The following CELSR3 variants were observed in gnomAD, a reference collection of about 807,000 sequenced individuals.
The protein encoded by CELSR3 is EGF-like protein 1.
Under a neutral mutation model 270.0 loss-of-function variants are expected in CELSR3, and 73 were observed. The observed-to-expected ratio is 0.27, with a 90% CI of 0.22 to 0.33. The LOEUF is 0.33. CELSR3 is among the 10% of genes least tolerant of loss of function. The pLI is 1.00. For missense variants in CELSR3, 3,614 were observed against 4,533.8 expected, an observed-to-expected ratio of 0.80 and a Z score of 5.83; for synonymous variants, 1,780 against 1,905.4, an observed-to-expected ratio of 0.93 and a Z score of 1.71.
Position 48,654,130 on chromosome 3 carries a change from G to T in CELSR3, c.5153-127C>A. On this transcript the variant is annotated intron_variant, in intron 7 of 34. Transcript: ENST00000164024. The surrounding 1 kb of genome is among the most constrained non-coding windows in gnomAD (Gnocchi z 5.4). ...TCAGCCCCATTTCCCATTTTCTTTC[G>T]ATGAGTGGGGTTGGTAAGAGTCAGG... 1 of 1,498,198 alleles carries T rather than the reference G, an allele frequency of 6.7e-7. No homozygotes were observed. The highest frequency in any genetic ancestry group is 9.0e-7 in the Non-Finnish European group (1 of 1,109,054). 92.8% of individuals were successfully genotyped at this position (1,498,198 alleles called of 1,614,324 possible). A position where few individuals can be genotyped will look rare whatever the true frequency, so the allele number is the denominator to read the frequency against.
chr3:48,642,159 T>C lies in CELSR3; in HGVS notation c.8666-150A>G. ...GAAGTGGAGGTAGCAGCAGAAGGGCTGGGACTTATCAGAGGGAAGGACGAA... is the reference window on the plus strand; with the variant it reads ...GAAGTGGAGGTAGCAGCAGAAGGGCCGGGACTTATCAGAGGGAAGGACGAA... On this transcript the variant is annotated intron_variant, in intron 31 of 34. Transcript: ENST00000164024. The surrounding 1 kb of genome is among the most constrained non-coding windows in gnomAD (Gnocchi z 6.1). The C allele has an allele frequency of 1.1e-6, 1 of 891,344 alleles. No homozygotes were observed. Among genetic ancestry groups the C allele is most frequent in the Non-Finnish European group, 1.7e-6 (1 of 600,276 alleles). The allele number at this position is 891,344 out of a possible 1,614,324, so 55.2% of individuals were successfully genotyped here.
rs1553626767 is a variant in CELSR3, at chr3:48,657,049, C to G, written c.4048G>C (p.Glu1350Gln). The change falls in exon 2 of 35, where the codon GAG (glutamate) becomes CAG (glutamine). Residue 1350 changes from glutamate (E) to glutamine (Q), a missense_variant. Physicochemically the swap from Glu to Gln is conservative, Grantham distance 29 (BLOSUM62 2). Around this residue, in one of 7 missense-constraint regions of CELSR3, gnomAD observed 1,331 missense variants for 1,933.7 expected, o/e 0.69. Transcript: ENST00000164024. The surrounding 1 kb of genome is among the most constrained non-coding windows in gnomAD (Gnocchi z 5.4). ...ACGTACAACTGCTCCTGCAGCTCCT[C>G]GGAGCTGAACCAGGGCCCTGCAGCG... ...AGAAGPWFSSEELQEQLYVRR... is the reference protein window; with the variant it reads ...AGAAGPWFSSQELQEQLYVRR... 1 of 1,613,698 alleles carries G rather than the reference C, an allele frequency of 6.2e-7. No individual in the cohort carries two copies. The highest frequency in any genetic ancestry group is 8.5e-7 in the Non-Finnish European group (1 of 1,179,898).
In CELSR3 at chr3:48,659,520, C is replaced by T. The variant is rs746069487; in HGVS notation, c.3115G>A (p.Ala1039Thr). Reference protein sequence around the residue: ...AVSVYELTAYAVDRGVPPLRT... With the variant: ...AVSVYELTAYTVDRGVPPLRT... Reference sequence around the variant, plus strand: ...AGTGGGGGCACACCTCTGTCCACTGCGTAGGCAGTCAACTCATACACTGAT... The same window carrying T: ...AGTGGGGGCACACCTCTGTCCACTGTGTAGGCAGTCAACTCATACACTGAT... Residue 1039 changes from alanine (A) to threonine (T), a missense_variant, in exon 1 of 35, where the codon GCA becomes ACA. Physicochemically the swap from Ala to Thr is moderately conservative, Grantham distance 58. This residue lies in a region of CELSR3 where 1,331 missense variants were observed against 1,933.7 expected (regional missense o/e 0.69). Transcript: ENST00000164024. This position sits in a 1 kb window ranked among gnomAD's most constrained non-coding sequence, Gnocchi z 8.1. 10 of 1,614,074 alleles carry T rather than the reference C, an allele frequency of 6.2e-6. No homozygotes were observed. The highest frequency in any genetic ancestry group is 1.3e-5 in the African/African-American group (1 of 74,918).
At position 48,650,433 on chromosome 3, in the gene CELSR3, A is replaced by AGGGCC; in HGVS notation, c.6472+46_6472+47insGGCCC. On this transcript the variant is annotated intron_variant, in intron 16 of 34. Coordinates refer to ENST00000164024, the MANE Select transcript of CELSR3 (RefSeq NM_001407.3). The surrounding 1 kb of genome is among the most constrained non-coding windows in gnomAD (Gnocchi z 5.1). ...GACATGGCTCTAGCAGTCAGAGTACAGGCCCACCCCCACCCTCAGTGATGT... is the reference window on the plus strand; with the variant it reads ...GACATGGCTCTAGCAGTCAGAGTACAGGGCCGGCCCACCCCCACCCTCAGTGATGT... 1.1e-6 allele frequency: 1 copy of AGGGCC among 927,818 alleles called. No homozygotes were observed. The highest frequency in any genetic ancestry group is 1.7e-6 in the Non-Finnish European group (1 of 598,394). The allele number at this position is 927,818 out of a possible 1,614,324, so 57.5% of individuals were successfully genotyped here. A position where few individuals can be genotyped will look rare whatever the true frequency, so the allele number is the denominator to read the frequency against.
chr3:48,660,079 G>A lies in CELSR3; in HGVS notation c.2556C>T (p.Asn852=). The change falls in exon 1 of 35, where the codon AAC becomes AAT. Residue 852 remains asparagine, a synonymous_variant. Transcript: ENST00000164024. This position sits in a 1 kb window ranked among gnomAD's most constrained non-coding sequence, Gnocchi z 5.5. ...CACTTTGAAAGACCGGCCGATGAGT[G>A]TTGGCATCTGTGATGTTGATGTGCA... The part of the protein sequence containing the change: ...CYVHINITDA[N]THRPVFQSAH... 6.2e-7 allele frequency: 1 copy of A among 1,614,218 alleles called. No homozygotes were observed. The highest frequency in any genetic ancestry group is 8.5e-7 in the Non-Finnish European group (1 of 1,180,050).
rs2046972626 is a variant in CELSR3, at chr3:48,636,792, G to C, written c.*1413C>G. On this transcript the variant is annotated 3_prime_UTR_variant, in exon 35 of 35. Coordinates refer to ENST00000164024, the MANE Select transcript of CELSR3 (RefSeq NM_001407.3). ...AGGTGTCTGCACAGACCACCCCCCA[G>C]CCCTGCACAGCCACTCTCCCCCGTG... The C allele has an allele frequency of 6.6e-6, 1 of 152,164 alleles. No homozygotes were observed. The highest frequency in any genetic ancestry group is 2.4e-5 in the African/African-American group (1 of 41,408). 9.4% of individuals were successfully genotyped at this position (152,164 alleles called of 1,614,324 possible). A position where few individuals can be genotyped will look rare whatever the true frequency, so the allele number is the denominator to read the frequency against.
In CELSR3 at chr3:48,661,708, C is replaced by T; in HGVS notation, c.927G>A (p.Ser309=). ...PARPEARKVT[S]ANRARFRRAA... is the part of the protein sequence containing the mutation. ...CGCGACGAAAGCGTGCCCGGTTCGC[C>T]GAGGTTACTTTCCTGGCTTCAGGAC... Residue 309 remains serine, a synonymous_variant, in exon 1 of 35, where the codon TCG becomes TCA. Coordinates refer to ENST00000164024, the MANE Select transcript of CELSR3 (RefSeq NM_001407.3). 6.4e-7 allele frequency: 1 copy of T among 1,573,684 alleles called. No homozygotes were observed. Among genetic ancestry groups the T allele is most frequent in the Non-Finnish European group, 8.6e-7 (1 of 1,159,008 alleles).
In CELSR3 at chr3:48,661,609, G is replaced by A. The variant is rs998735704; in HGVS notation, c.1026C>T (p.Thr342=). 5.6e-6 allele frequency: 9 copies of A among 1,608,882 alleles called. No individual in the cohort carries two copies. Among genetic ancestry groups the A allele is most frequent in the East Asian group, 2.2e-5 (1 of 44,834 alleles). Residue 342 remains threonine (T), a synonymous_variant, in exon 1 of 35, where the codon ACC becomes ACT. Coordinates refer to ENST00000164024, the MANE Select transcript of CELSR3 (RefSeq NM_001407.3). ...CCTGAGCAACCACGCGTAGCACCGC[G>A]GTGCCTGCTGCCTCATTCTCCGGCA... The part of the protein sequence containing the change: ...TLVPENEAAG[T]AVLRVVAQDP...
At chr3:48,648,666 G>A in intron 18 of CELSR3, 53 bp downstream of exon 18, 3 of 1,573,738 alleles carry the variant, frequency 1.9e-6, no homozygotes, top group Non-Finnish European at 1.7e-6. Flanking sequence ...TCCAGGGGCA[G>A]GAGGCTGGGA....
chr3:48,643,532 A>G, intron 28 of CELSR3, 22 bp downstream of exon 28: 1 of 1,546,458 alleles, frequency 6.5e-7, no homozygotes, highest in South Asian at 1.2e-5. Context: ...GTTCTGGGGC[A>G]AGGGAGGGGC....
intron 2 of CELSR3, 60 bp from the exon 3 acceptor site, chr3:48,656,425 T>C: frequency 7.4e-7 from 1 of 1,351,378 alleles, no homozygotes; most frequent in South Asian, 1.7e-5. Flanking sequence ...CTCCGGCCCC[T>C]TCAAAGACCG....
In CELSR3 at chr3:48,650,802, G is replaced by A. The variant is rs1235072542; in HGVS notation, c.6370+90C>T. The stretch of plus-strand genomic sequence containing the variant: ...GTCTCCCTCAGGAGAAGCTTCCAGA[G>A]TCCCCAAGGAGCCATGTGTGCCACT... On this transcript the variant is annotated intron_variant, in intron 15 of 34. Transcript: ENST00000164024. This position sits in a 1 kb window ranked among gnomAD's most constrained non-coding sequence, Gnocchi z 5.1. The A allele has an allele frequency of 1.4e-6, 2 of 1,410,790 alleles. No individual in the cohort carries two copies. Among genetic ancestry groups the A allele is most frequent in the African/African-American group, 2.9e-5 (2 of 69,770 alleles). The allele number at this position is 1,410,790 out of a possible 1,614,324, so 87.4% of individuals were successfully genotyped here.
At position 48,657,803 on chromosome 3, in the gene CELSR3, T is replaced by TC. The variant is rs2077034675; in HGVS notation, c.3749-456dup. Among the ~76,000 whole-genome samples, 1 of 151,858 alleles carries TC rather than the reference T, an allele frequency of 6.6e-6. No individual in the cohort carries two copies. The highest frequency in any genetic ancestry group is 1.5e-5 in the Non-Finnish European group (1 of 67,938). ...CCAGCATAGCAGAACCAGCAAAACA[T>TC]CCCCCTCCAGAAAAGAAGGGTTCCA... On this transcript the variant is annotated intron_variant, in intron 1 of 34. Coordinates refer to ENST00000164024, the MANE Select transcript of CELSR3 (RefSeq NM_001407.3). This position sits in a 1 kb window ranked among gnomAD's most constrained non-coding sequence, Gnocchi z 5.4.
chr3:48,649,014 G>A, intron 17 of CELSR3, 86 bp from the exon 18 acceptor site: 6 of 1,551,178 alleles, frequency 3.9e-6, no homozygotes, highest in Non-Finnish European at 3.5e-6. Context: ...CAGATTAAAG[G>A]GCAACCAGGA....
At position 48,645,865 on chromosome 3, in the gene CELSR3, C is replaced by T. The variant is rs749105579; in HGVS notation, c.7467G>A (p.Ala2489=). The T allele has an allele frequency of 1.8e-5, 28 of 1,595,066 alleles. 1 individual carries two copies. The highest frequency in any genetic ancestry group is 1.7e-4 in the African/African-American group (13 of 74,634). ...ICVQWDPPGL[A]EQHGVWTARD... is the part of the protein sequence containing the mutation. ...GTGCTGTCCACACACCATGCTGCTC[C>T]GCCCTGCAGCCACAGGGCAGTTAGA... is the stretch of plus-strand genomic sequence containing the variant. The change falls in exon 23 of 35, where the codon GCG becomes GCA. Residue 2489 remains alanine (A), a synonymous_variant. Coordinates refer to ENST00000164024, the MANE Select transcript of CELSR3 (RefSeq NM_001407.3). This position sits in a 1 kb window ranked among gnomAD's most constrained non-coding sequence, Gnocchi z 5.4.
chr3:48,645,272 G>A lies in CELSR3; in HGVS notation c.7798-63C>T. The A allele has an allele frequency of 6.5e-7, 1 of 1,540,910 alleles. No homozygotes were observed. The highest frequency in any genetic ancestry group is 8.8e-7 in the Non-Finnish European group (1 of 1,136,412). On this transcript the variant is annotated intron_variant, in intron 24 of 34. Transcript: ENST00000164024. The surrounding 1 kb of genome is among the most constrained non-coding windows in gnomAD (Gnocchi z 5.4). ...CACCCACCTCTGACCCCTACCCCAG[G>A]CATCTGCTTCCCACCTCTCACCCCT...
chr3:48,644,736 G>A lies in CELSR3; in HGVS notation c.8065C>T (p.Pro2689Ser). 1 of 1,613,368 alleles carries A rather than the reference G, an allele frequency of 6.2e-7. No homozygotes were observed. The highest frequency in any genetic ancestry group is 8.5e-7 in the Non-Finnish European group (1 of 1,179,868). The change falls in exon 26 of 35, where the codon CCT (proline) becomes TCT (serine). Residue 2689 changes from proline (P) to serine (S), a missense_variant. This residue lies in a region of CELSR3 where 1,240 missense variants were observed against 1,351.7 expected (regional missense o/e 0.92). Coordinates refer to ENST00000164024, the MANE Select transcript of CELSR3 (RefSeq NM_001407.3). This position sits in a 1 kb window ranked among gnomAD's most constrained non-coding sequence, Gnocchi z 4.8. ...CTCACCACTATGACCAGGACAACAG[G>A]GCCAGCAAAGCTCCAGATGAGGGGC... ...HEPLIWSFAG[P>S]VVLVIVMNGT...
Position 48,637,824 on chromosome 3 carries a change from A to T in CELSR3, c.*381T>A, listed in dbSNP as rs891584616. On this transcript the variant is annotated 3_prime_UTR_variant, in exon 35 of 35. Coordinates refer to ENST00000164024, the MANE Select transcript of CELSR3 (RefSeq NM_001407.3). Reference sequence around the variant, plus strand: ...CCCACCCATCTGAGTCCACCCCAGGAAGGAGAGAGAGATGAGCATAGGGTT... The same window carrying T: ...CCCACCCATCTGAGTCCACCCCAGGTAGGAGAGAGAGATGAGCATAGGGTT... The T allele has an allele frequency of 1.3e-5, 3 of 224,866 alleles. No homozygotes were observed. Among genetic ancestry groups the T allele is most frequent in the Middle Eastern group, 3.2e-3 (2 of 628 alleles). The allele number at this position is 224,866 out of a possible 1,614,324, so 13.9% of individuals were successfully genotyped here. A position where few individuals can be genotyped will look rare whatever the true frequency, so the allele number is the denominator to read the frequency against.
Position 48,645,738 on chromosome 3 carries a change from C to G in CELSR3, c.7590+4G>C, listed in dbSNP as rs1280070826. Reference sequence around the variant, plus strand: ...CTTCCTTGGGACACTGAACACAGCCCCACCTCACGGGGAGAGGCATCCATG... The same window carrying G: ...CTTCCTTGGGACACTGAACACAGCCGCACCTCACGGGGAGAGGCATCCATG... On this transcript the variant is annotated splice_donor_region_variant and intron_variant, in intron 23 of 34. Transcript: ENST00000164024. The surrounding 1 kb of genome is among the most constrained non-coding windows in gnomAD (Gnocchi z 5.4). 1 of 1,607,406 alleles carries G rather than the reference C, an allele frequency of 6.2e-7. No homozygotes were observed. Among genetic ancestry groups the G allele is most frequent in the South Asian group, 1.1e-5 (1 of 90,898 alleles).
Sources: gnomAD v4.1 joint callset for allele counts (sites outside exome capture counted in the v4.1 genomes callset) on GRCh38, gnomAD v4.1.1 for gene constraint, gnomAD v4.1.1 regional missense constraint, Gnocchi (gnomAD v3.1) non-coding constraint, MANE v1.5 for transcripts, NCBI Gene and HGNC (gene_info 2026-07-23, HGNC 2026-07-21) for gene names.